The following PLXNA2 variants were observed in gnomAD, a reference collection of about 807,000 sequenced individuals.
PLXNA2 encodes plexin A2, also known as plexin-A2.
Under a neutral mutation model 193.5 loss-of-function variants are expected in PLXNA2, and 91 were observed. That is an observed-to-expected ratio of 0.47 (90% CI 0.40 to 0.56). The LOEUF is 0.56. PLXNA2 is among the 20% of genes least tolerant of loss of function. PLXNA2 has a pLI of 0.00. For missense variants in PLXNA2, 1,995 were observed against 2,503.2 expected (o/e 0.80, Z 4.33); for synonymous variants, 997 against 1,027.3 (o/e 0.97, Z 0.56).
intron 1 of PLXNA2, among the ~76,000 whole-genome samples, chr1:208,226,975 C>A (rs1442347943): frequency 1.3e-5 from 2 of 152,212 alleles, no homozygotes; most frequent in Non-Finnish European, 2.9e-5. Flanking sequence ...CAAACGGAGT[C>A]CGAGAAAGGT....
intron 11 of PLXNA2, among the ~76,000 whole-genome samples, chr1:208,081,125 T>C (rs1036248469): frequency 1.3e-5 from 2 of 152,188 alleles, no homozygotes; most frequent in Non-Finnish European, 2.9e-5. Context: ...AAGCTCCAGG[T>C]GCTAAGGCAA....
Position 208,079,424 on chromosome 1 carries a change from G to A in PLXNA2, c.2422C>T (p.Arg808Trp), listed in dbSNP as rs373107594. Residue 808 changes from arginine (R) to tryptophan (W), a missense_variant, in exon 12 of 32, where the codon CGG becomes TGG. Physicochemically the swap from Arg to Trp is moderately radical, Grantham distance 101 (BLOSUM62 -3). Around this residue, in one of 3 missense-constraint regions of PLXNA2, gnomAD observed 1,291 missense variants for 1,673.6 expected, o/e 0.77. Coordinates refer to ENST00000367033, the MANE Select transcript of PLXNA2 (RefSeq NM_025179.4). ...KVHLYKCAAQ[R>W]ESCGLCLKAD... ...TTGAGGCAGAGGCCGCAGCTCTCCC[G>A]CTGGGCTGCACACTTGTAGAGATGG... 2.4e-5 allele frequency: 38 copies of A among 1,607,272 alleles called. No individual in the cohort carries two copies. Among genetic ancestry groups the A allele is most frequent in the African/African-American group, 1.3e-4 (10 of 74,814 alleles).
At chr1:208,242,748 A>C (rs921190215) in intron 1 of PLXNA2, among the ~76,000 whole-genome samples, 1 of 152,118 alleles carries the variant, frequency 6.6e-6, no homozygotes, top group Admixed American at 6.5e-5. Flanking sequence ...AAACAGGTGG[A>C]CTTTTTTCGG....
chr1:208,074,228 C>T (rs914168946), intron 12 of PLXNA2, among the ~76,000 whole-genome samples: 6 of 152,198 alleles, frequency 3.9e-5, no homozygotes, highest in African/African-American at 1.4e-4. Context: ...TGGCTCCTAA[C>T]ACCCTCCTCT....
intron 4 of PLXNA2, among the ~76,000 whole-genome samples, chr1:208,113,224 T>C (rs1023828010): frequency 6.6e-6 from 1 of 152,122 alleles, no homozygotes; most frequent in Non-Finnish European, 1.5e-5. Flanking sequence ...CCACATTGAC[T>C]GCCCTACCCC....
chr1:208,226,827 A>C (rs546121373), intron 1 of PLXNA2, among the ~76,000 whole-genome samples: 1 of 152,020 alleles, frequency 6.6e-6, no homozygotes, highest in Admixed American at 6.5e-5. Flanking sequence ...GCCCTCTTCA[A>C]CCCCCTTTGG....
At chr1:208,191,423 C>T (rs752460092) in intron 3 of PLXNA2, among the ~76,000 whole-genome samples, 2 of 152,118 alleles carry the variant, frequency 1.3e-5, no homozygotes, top group Admixed American at 1.3e-4. Context: ...AGCCCTTATC[C>T]TAAAATCGTG....
intron 4 of PLXNA2, among the ~76,000 whole-genome samples, chr1:208,105,334 G>A (rs938493504): frequency 6.6e-6 from 1 of 152,222 alleles, no homozygotes; most frequent in Non-Finnish European, 1.5e-5. Context: ...GCAACCGCCT[G>A]GCTTTCCAAA....
intron 12 of PLXNA2, among the ~76,000 whole-genome samples, chr1:208,069,296 C>T (rs2102364220): frequency 6.6e-6 from 1 of 152,332 alleles, no homozygotes; most frequent in Non-Finnish European, 1.5e-5. Flanking sequence ...TCAGACCCCA[C>T]CTTGACAGCT....
chr1:208,096,126 C>T lies in PLXNA2; in HGVS notation c.1886-1G>A. On this transcript the variant is annotated splice_acceptor_variant, in intron 7 of 31. Transcript: ENST00000367033. LOFTEE classifies it high-confidence loss of function. The stretch of plus-strand genomic sequence containing the variant: ...AGCTGTAGCTCCAGCCCAAACCAGT[C>T]TGGAAAAACAAACAAAAAAGGATGG... The T allele has an allele frequency of 1.2e-6, 2 of 1,613,276 alleles. No individual in the cohort carries two copies. Among genetic ancestry groups the T allele is most frequent in the Non-Finnish European group, 1.7e-6 (2 of 1,179,336 alleles).
chr1:208,190,109 A>G (rs1310948823), intron 3 of PLXNA2, among the ~76,000 whole-genome samples: 1 of 152,220 alleles, frequency 6.6e-6, no homozygotes, highest in Non-Finnish European at 1.5e-5. Context: ...ATGTGTGTGT[A>G]TATGAGTATA....
chr1:208,145,270 C>G lies in PLXNA2; in HGVS notation c.1372-2807G>C, dbSNP rs114246867. ...GGAAAGTGTCCCAGTGCTTCTCCCA[C>G]CTTCCCTGTGACAGCTACTCCTCTC... is the stretch of plus-strand genomic sequence containing the variant. On this transcript the variant is annotated intron_variant, in intron 3 of 31. Transcript: ENST00000367033. Among the ~76,000 whole-genome samples the G allele has an allele frequency of 6.7e-3, 1,015 of 152,258 alleles. 13 individuals carry two copies. Among genetic ancestry groups the G allele is most frequent in the African/African-American group, 0.024 (996 of 41,550 alleles).
chr1:208,079,140 A>G, intron 12 of PLXNA2, 120 bp downstream of exon 12: 2 of 811,364 alleles, frequency 2.5e-6, no homozygotes, highest in Non-Finnish European at 3.9e-6. Flanking sequence ...ACACCCCCCC[A>G]CATTAAACTC....
At chr1:208,105,623 G>A (rs529848886) in intron 4 of PLXNA2, among the ~76,000 whole-genome samples, 44 of 152,254 alleles carry the variant, frequency 2.9e-4, no homozygotes, top group Middle Eastern at 6.8e-3. Context: ...CATGGCCCAC[G>A]ATGCCTACAA....
chr1:208,109,168 G>A (rs954036796), intron 4 of PLXNA2, among the ~76,000 whole-genome samples: 2 of 152,206 alleles, frequency 1.3e-5, no homozygotes, highest in African/African-American at 4.8e-5. Flanking sequence ...ACAGATGCCC[G>A]AATGGAGCAC....
At chr1:208,112,939 G>A (rs1308696422) in intron 4 of PLXNA2, among the ~76,000 whole-genome samples, 1 of 145,792 alleles carries the variant, frequency 6.9e-6, no homozygotes, top group African/African-American at 2.5e-5. Context: ...AGACTCCCAT[G>A]CCAGAAATAC....
chr1:208,203,872 A>G (rs1426915868), intron 3 of PLXNA2, among the ~76,000 whole-genome samples: 1 of 152,238 alleles, frequency 6.6e-6, no homozygotes, highest in Non-Finnish European at 1.5e-5. Flanking sequence ...GTGTTATCAA[A>G]TAACTGAGTA....
Position 208,236,852 on chromosome 1 carries a change from A to G in PLXNA2, c.-81+6791T>C, listed in dbSNP as rs1453838217. Among the ~76,000 whole-genome samples the G allele has an allele frequency of 6.6e-6, 1 of 152,244 alleles. No homozygotes were observed. Among genetic ancestry groups the G allele is most frequent in the Non-Finnish European group, 1.5e-5 (1 of 68,052 alleles). Reference sequence around the variant, plus strand: ...CTACACATACCCACATCATTCTTGAAGATATAGAATCTCCAAGGTTTCACA... The same window carrying G: ...CTACACATACCCACATCATTCTTGAGGATATAGAATCTCCAAGGTTTCACA... On this transcript the variant is annotated intron_variant, in intron 1 of 31. Transcript: ENST00000367033. The surrounding 1 kb of genome is among the most constrained non-coding windows in gnomAD (Gnocchi z 4.4).
chr1:208,092,053 G>A (rs540228041), intron 9 of PLXNA2, among the ~76,000 whole-genome samples: 5 of 152,240 alleles, frequency 3.3e-5, no homozygotes, highest in South Asian at 4.1e-4. Flanking sequence ...AAAAGCTTTC[G>A]ACACAAGAAA....
Sources: gnomAD v4.1 joint callset for allele counts (sites outside exome capture counted in the v4.1 genomes callset) on GRCh38, gnomAD v4.1.1 for gene constraint, gnomAD v4.1.1 regional missense constraint, Gnocchi (gnomAD v3.1) non-coding constraint, MANE v1.5 for transcripts, NCBI Gene and HGNC (gene_info 2026-07-23, HGNC 2026-07-21) for gene names.